Variants in TENM3 observed in about 807,000 individuals in gnomAD.
TENM3 encodes the protein teneurin-3.
In TENM3, 63 loss-of-function variants were observed where a neutral mutation model predicts 255.1. The observed-to-expected ratio is 0.25, with a 90% confidence interval of 0.20 to 0.30. The LOEUF is 0.30. TENM3 is among the 10% of genes least tolerant of loss of function. The pLI is 1.00. For missense variants in TENM3, 2,929 were observed against 3,461.1 expected (o/e 0.85, Z 3.86); for synonymous variants, 1,306 against 1,322.3 (o/e 0.99, Z 0.27).
chr4:182,547,954 G>A (rs181926400), intron 3 of TENM3, among the ~76,000 whole-genome samples: 7 of 152,078 alleles, frequency 4.6e-5, no homozygotes, highest in South Asian at 2.1e-4. Flanking sequence ...ACGATGGCTC[G>A]TGCCTCGAGT....
chr4:182,490,684 T>C (rs1180390468), intron 3 of TENM3, among the ~76,000 whole-genome samples: 1 of 148,410 alleles, frequency 6.7e-6, no homozygotes, highest in Admixed American at 6.8e-5. Context: ...AAAATACATT[T>C]AAAGTGACGT....
the TENM3 span, among the ~76,000 whole-genome samples, chr4:181,645,374 C>T: frequency 6.6e-6 from 1 of 152,144 alleles, no homozygotes; most frequent in Admixed American, 6.5e-5. Flanking sequence ...AGAGCCTGGG[C>T]AGGGGTCCTG....
At chr4:182,082,272 G>A in the TENM3 span, among the ~76,000 whole-genome samples, 1 of 152,084 alleles carries the variant, frequency 6.6e-6, no homozygotes, top group Admixed American at 6.6e-5. Context: ...AAAGAGCAAG[G>A]CAGCTCTCTA....
rs1761214925 is a variant in TENM3, at chr4:182,736,903, C to T, written c.3063C>T (p.Thr1021=). 1.2e-6 allele frequency: 2 copies of T among 1,613,806 alleles called. No homozygotes were observed. Among genetic ancestry groups the T allele is most frequent in the African/African-American group, 1.3e-5 (1 of 75,026 alleles). Residue 1021 remains threonine (T), a synonymous_variant, in exon 17 of 28, where the codon ACC becomes ACT. Transcript: ENST00000511685. ...AAGYKSVLKI[T]MTQSIIPFNL... Reference sequence around the variant, plus strand: ...GGTATAAGTCAGTTCTCAAGATCACCATGACCCAGTCTATTATTCCATTTA... The same window carrying T: ...GGTATAAGTCAGTTCTCAAGATCACTATGACCCAGTCTATTATTCCATTTA...
the TENM3 span, among the ~76,000 whole-genome samples, chr4:181,469,805 A>T: frequency 6.6e-6 from 1 of 152,176 alleles, no homozygotes; most frequent in African/African-American, 2.4e-5. Flanking sequence ...GAACAAAATC[A>T]TATTAAATTG....
At chr4:181,447,748 G>A in the TENM3 span, among the ~76,000 whole-genome samples, 9 of 152,058 alleles carry the variant, frequency 5.9e-5, no homozygotes, top group African/African-American at 1.4e-4. Flanking sequence ...GTTCCGGAGC[G>A]GCTTCCTAGG....
At chr4:181,503,165 G>C in the TENM3 span, among the ~76,000 whole-genome samples, 1 of 152,058 alleles carries the variant, frequency 6.6e-6, no homozygotes, top group East Asian at 1.9e-4. Context: ...GGGAGTTTGA[G>C]ACCAGTCTGG....
In TENM3 at chr4:182,233,658, G is replaced by A. The variant is rs552483546; in HGVS notation, c.-76+88904G>A. 2.6e-5 allele frequency among the ~76,000 whole-genome samples: 4 copies of A among 152,292 alleles called. No individual in the cohort carries two copies. In the East Asian group the frequency reaches 7.7e-4, roughly 29 times the overall value. Reference sequence around the variant, plus strand: ...GCTGTATATTTGACACGTGGTCACTGTTACAGCTTATCGTCAAGCAGATAT... The same window carrying A: ...GCTGTATATTTGACACGTGGTCACTATTACAGCTTATCGTCAAGCAGATAT... On this transcript the variant is annotated intron_variant, in intron 1 of 2. Transcript: ENST00000512480.
At chr4:182,549,597 G>A (rs550264904) in intron 3 of TENM3, among the ~76,000 whole-genome samples, 30 of 152,274 alleles carry the variant, frequency 2.0e-4, no homozygotes, top group Non-Finnish European at 1.8e-4. Flanking sequence ...TTCGAGTCAC[G>A]CTTCCAGGGC....
intron 1 of TENM3, among the ~76,000 whole-genome samples, chr4:182,250,201 C>T (rs768836703): frequency 1.6e-4 from 25 of 151,602 alleles, no homozygotes; most frequent in Non-Finnish European, 2.5e-4. Flanking sequence ...CACAGGCGCC[C>T]GCCACCACGC....
chr4:181,715,001 CA>C, the TENM3 span, among the ~76,000 whole-genome samples: 1 of 152,196 alleles, frequency 6.6e-6, no homozygotes, highest in African/African-American at 2.4e-5. Flanking sequence ...AATACATTCA[CA>C]GATAATTCTT....
the TENM3 span, among the ~76,000 whole-genome samples, chr4:181,953,302 A>G: frequency 6.6e-6 from 1 of 152,014 alleles, no homozygotes; most frequent in Non-Finnish European, 1.5e-5. Context: ...CATCATGATC[A>G]TCAGTCTTTG....
intron 3 of TENM3, among the ~76,000 whole-genome samples, chr4:182,411,707 A>AT (rs1385696662): frequency 2.0e-5 from 3 of 152,126 alleles, no homozygotes; most frequent in Admixed American, 6.5e-5. Context: ...GCAAGAGGAG[A>AT]TATTTTCCGT....
At chr4:181,461,746 A>ATGTTTG in the TENM3 span, among the ~76,000 whole-genome samples, 1 of 151,838 alleles carries the variant, frequency 6.6e-6, no homozygotes, top group South Asian at 2.1e-4. Context: ...TATCCTCATC[A>ATGTTTG]TGTTTGTGTT....
chr4:182,051,236 G>A, the TENM3 span, among the ~76,000 whole-genome samples: 2 of 151,660 alleles, frequency 1.3e-5, no homozygotes, highest in South Asian at 2.1e-4. Flanking sequence ...CCAGCTACTC[G>A]GGAGGCTAAG....
the TENM3 span, among the ~76,000 whole-genome samples, chr4:181,864,835 G>A: frequency 6.6e-6 from 1 of 152,110 alleles, no homozygotes; most frequent in East Asian, 1.9e-4. Context: ...GTTTTACAGA[G>A]GGCACCCTCC....
chr4:182,194,430 T>C (rs1003577322), intron 1 of TENM3, among the ~76,000 whole-genome samples: 1 of 152,230 alleles, frequency 6.6e-6, no homozygotes, highest in Non-Finnish European at 1.5e-5. Flanking sequence ...TAGGAATTGA[T>C]GTATCTTTTG....
intron 3 of TENM3, among the ~76,000 whole-genome samples, chr4:182,450,613 T>A (rs1333614166): frequency 5.9e-5 from 9 of 152,246 alleles, no homozygotes; most frequent in Admixed American, 5.9e-4. Flanking sequence ...ATACATTAAC[T>A]GAGAGACTGA....
chr4:182,430,506 C>CCA (rs1343631684), intron 3 of TENM3, among the ~76,000 whole-genome samples: 1 of 151,892 alleles, frequency 6.6e-6, no homozygotes, highest in African/African-American at 2.4e-5. Flanking sequence ...CAAGATTGTG[C>CCA]CACTGCACTC....
Sources: gnomAD v4.1 joint callset for allele counts (sites outside exome capture counted in the v4.1 genomes callset) on GRCh38, gnomAD v4.1.1 for gene constraint, MANE v1.5 for transcripts, NCBI Gene and HGNC (gene_info 2026-07-23, HGNC 2026-07-21) for gene names.